Variants in RALGAPA2 observed in about 807,000 individuals in gnomAD.
The protein encoded by RALGAPA2 is ral GTPase-activating protein subunit alpha-2.
In RALGAPA2, 139 loss-of-function variants were observed where a neutral mutation model predicts 230.4. That is an observed-to-expected ratio of 0.60 (90% CI 0.53 to 0.69). The LOEUF (loss-of-function observed/expected upper bound fraction) is 0.69. Among genes scored for constraint, RALGAPA2 ranks in the 30% least tolerant of loss-of-function variants. The probability of loss-of-function intolerance (pLI) is 0.00; values close to 1 mark genes in which losing one functional copy is unlikely to be tolerated. For synonymous variants in RALGAPA2, 847 were observed against 837.8 expected, an observed-to-expected ratio of 1.01 and a Z score of -0.19; for missense variants, 2,163 against 2,276.0, an observed-to-expected ratio of 0.95 and a Z score of 1.01.
chr20:20,589,540 C>A (rs1310671785), intron 17 of RALGAPA2, among the ~76,000 whole-genome samples, 175 bp from the exon 18 acceptor site: 2 of 152,060 alleles, frequency 1.3e-5, no homozygotes, highest in Non-Finnish European at 2.9e-5. Context: ...ACACTTTAGA[C>A]CTGGTCTCTG....
intron 1 of RALGAPA2, among the ~76,000 whole-genome samples, chr20:20,698,366 G>A (rs529262340): frequency 6.6e-6 from 1 of 151,866 alleles, no homozygotes; most frequent in South Asian, 2.1e-4. Context: ...CACCTCCTGG[G>A]TTCAAGGTTT....
intron 38 of RALGAPA2, among the ~76,000 whole-genome samples, chr20:20,403,575 G>C (rs2059890712): frequency 6.6e-6 from 1 of 152,158 alleles, no homozygotes. Context: ...TCTCACATGT[G>C]ATGCTGTTGG....
At chr20:20,516,707 C>A (rs1219174457) in intron 31 of RALGAPA2, among the ~76,000 whole-genome samples, 1 of 152,238 alleles carries the variant, frequency 6.6e-6, no homozygotes, top group Non-Finnish European at 1.5e-5. Context: ...GGTCACATCA[C>A]CGGATCACCT....
chr20:20,526,950 G>A (rs2063221042), intron 27 of RALGAPA2, among the ~76,000 whole-genome samples: 1 of 152,174 alleles, frequency 6.6e-6, no homozygotes, highest in Non-Finnish European at 1.5e-5. Context: ...TATGTTTCCT[G>A]AGGCTGGCGT....
At chr20:20,502,260 C>T (rs2062399426) in intron 35 of RALGAPA2, among the ~76,000 whole-genome samples, 1 of 151,938 alleles carries the variant, frequency 6.6e-6, no homozygotes, top group Non-Finnish European at 1.5e-5. Context: ...TCTGTGGCTG[C>T]AGTGGTGAAA....
intron 38 of RALGAPA2, among the ~76,000 whole-genome samples, chr20:20,406,206 C>A (rs989413661): frequency 6.6e-5 from 10 of 151,968 alleles, no homozygotes; most frequent in Admixed American, 3.9e-4. Context: ...TCAGGTCACA[C>A]CCCAGACCAA....
At chr20:20,540,527 T>A (rs2063616188) in intron 24 of RALGAPA2, among the ~76,000 whole-genome samples, 1 of 152,218 alleles carries the variant, frequency 6.6e-6, no homozygotes, top group South Asian at 2.1e-4. Context: ...AACACTTTTT[T>A]CTTTATTGCA....
chr20:20,393,300 T>C, intron 39 of RALGAPA2, 47 bp from the exon 40 acceptor site: 1 of 1,230,934 alleles, frequency 8.1e-7, no homozygotes, highest in Non-Finnish European at 1.1e-6. Context: ...CAACGGCGGC[T>C]CTACGGCCAC....
chr20:20,488,717 T>C (rs563733395), intron 36 of RALGAPA2, among the ~76,000 whole-genome samples: 2 of 152,212 alleles, frequency 1.3e-5, no homozygotes, highest in Non-Finnish European at 2.9e-5. Flanking sequence ...CTGCCCATTC[T>C]ATCACTCTGC....
intron 16 of RALGAPA2, among the ~76,000 whole-genome samples, chr20:20,593,904 T>C (rs979321255): frequency 4.6e-5 from 7 of 152,230 alleles, no homozygotes; most frequent in African/African-American, 1.7e-4. Flanking sequence ...CACCAGCTGG[T>C]CTGCCTTCCC....
At chr20:20,480,102 G>A (rs2061737632) in intron 36 of RALGAPA2, among the ~76,000 whole-genome samples, 1 of 152,228 alleles carries the variant, frequency 6.6e-6, no homozygotes, top group South Asian at 2.1e-4. Flanking sequence ...TGAAATGATA[G>A]ATGTGTTCTT....
At chr20:20,565,233 T>C (rs1462265565) in intron 23 of RALGAPA2, among the ~76,000 whole-genome samples, 1 of 152,242 alleles carries the variant, frequency 6.6e-6, no homozygotes, top group Non-Finnish European at 1.5e-5. Flanking sequence ...TGGAACTGAA[T>C]ACTCACTTAT....
intron 10 of RALGAPA2, among the ~76,000 whole-genome samples, chr20:20,621,468 T>C (rs1455968534): frequency 1.3e-5 from 2 of 151,924 alleles, no homozygotes; most frequent in Admixed American, 1.3e-4. Context: ...TTCTTTTTTT[T>C]TTTTTCCTTT....
At chr20:20,420,312 A>G (rs2122853028) in intron 37 of RALGAPA2, among the ~76,000 whole-genome samples, 1 of 152,264 alleles carries the variant, frequency 6.6e-6, no homozygotes, top group Admixed American at 6.5e-5. Context: ...CCCTTAGAGG[A>G]ACTGCACCAC....
intron 1 of RALGAPA2, among the ~76,000 whole-genome samples, chr20:20,709,431 A>C (rs1226330068): frequency 2.6e-5 from 4 of 152,188 alleles, no homozygotes; most frequent in Non-Finnish European, 5.9e-5. Context: ...AGGCTGCAGC[A>C]GTTGAGGCAA....
chr20:20,433,944 C>T (rs2060552295), intron 37 of RALGAPA2, among the ~76,000 whole-genome samples: 2 of 152,246 alleles, frequency 1.3e-5, no homozygotes, highest in South Asian at 4.2e-4. Context: ...GTATACTTAA[C>T]AGCCATGTAG....
intron 24 of RALGAPA2, among the ~76,000 whole-genome samples, chr20:20,539,507 A>C (rs1192185248): frequency 6.6e-6 from 1 of 152,192 alleles, no homozygotes; most frequent in East Asian, 1.9e-4. Flanking sequence ...ATTAATAAAA[A>C]TTTGTATATT....
intron 16 of RALGAPA2, chr20:20,598,589 T>C (rs2065534551): frequency 5.6e-6 from 2 of 355,524 alleles, no homozygotes; most frequent in Non-Finnish European, 1.1e-5. Context: ...ACGTGTGTGA[T>C]GTGGGGATAT....
chr20:20,661,190 G>C (rs1040965078), intron 3 of RALGAPA2, among the ~76,000 whole-genome samples: 3 of 151,976 alleles, frequency 2.0e-5, no homozygotes, highest in Admixed American at 2.0e-4. Context: ...ACAGAGCCTC[G>C]CTCTGTTTCC....
Sources: gnomAD v4.1 joint callset for allele counts (sites outside exome capture counted in the v4.1 genomes callset) on GRCh38, gnomAD v4.1.1 for gene constraint, MANE v1.5 for transcripts, NCBI Gene and HGNC (gene_info 2026-07-23, HGNC 2026-07-21) for gene names.